HPS5: variants seen among roughly 807,000 people sequenced by gnomAD.
HPS5 encodes the protein BLOC-2 complex member HPS5.
Under a neutral mutation model 128.0 loss-of-function variants are expected in HPS5, and 83 were observed. The ratio of observed to expected loss-of-function variants is 0.65; its 90% CI spans 0.54 to 0.78. The LOEUF (loss-of-function observed/expected upper bound fraction) is 0.78, where lower values mean the gene tolerates loss of function less well. HPS5 is among the 30% of genes least tolerant of loss of function. The pLI is 0.00. For missense variants in HPS5, 1,281 were observed against 1,326.2 expected (o/e 0.97, Z 0.53); for synonymous variants, 475 against 470.2 (o/e 1.01, Z -0.13).
At chr11:18,288,082 T>C in intron 16 of HPS5, 69 bp from the exon 17 acceptor site, 1 of 1,564,488 alleles carries the variant, frequency 6.4e-7, no homozygotes, top group Non-Finnish European at 8.8e-7. Context: ...TATGAACATG[T>C]TCATTCAGCA....
At chr11:18,297,898 G>A (rs940200418) in intron 10 of HPS5, among the ~76,000 whole-genome samples, 181 bp from the exon 11 acceptor site, 1 of 152,108 alleles carries the variant, frequency 6.6e-6, no homozygotes, top group East Asian at 1.9e-4. Context: ...TGGCCAACAT[G>A]GTGAAACCCC....
chr11:18,289,562 C>CA (rs1367565542), intron 16 of HPS5, among the ~76,000 whole-genome samples: 12 of 150,680 alleles, frequency 8.0e-5, no homozygotes, highest in Non-Finnish European at 1.3e-4. Flanking sequence ...ACACAAAAGA[C>CA]AATCTACCTC....
Position 18,296,053 on chromosome 11 carries a change from G to A in HPS5, c.1580C>T (p.Pro527Leu). The A allele has an allele frequency of 6.2e-7, 1 of 1,613,346 alleles. No individual in the cohort carries two copies. Among genetic ancestry groups the A allele is most frequent in the Non-Finnish European group, 8.5e-7 (1 of 1,179,292 alleles). ...AGGAGATGGAGAACGAAATGGTAAT[G>A]GAATGCCGAACGGGAGAAAAGTTTC... ...KNETFLPFGI[P>L]LPFRSPSPLV... The change falls in exon 13 of 23, where the codon CCA becomes CTA. Residue 527 changes from proline to leucine, a missense_variant. Pro to Leu is a moderately conservative substitution (Grantham distance 98). Coordinates refer to ENST00000349215, the MANE Select transcript of HPS5 (RefSeq NM_181507.2).
rs755133988 is a variant in HPS5 at position 18,287,639 on chromosome 11, A to G, written c.2613T>C (p.Phe871=). 5.0e-6 allele frequency: 8 copies of G among 1,614,092 alleles called. No homozygotes were observed. Among genetic ancestry groups the G allele is most frequent in the Middle Eastern group, 1.6e-4 (1 of 6,084 alleles). ...TGATATCCGATGGCAAAATGGATGG[A>G]AAGAACTTGATTAAGGATCGAAGAG... The part of the protein sequence containing the change: ...ESALRSLIKF[F]PSILPSDIIQ... The change falls in exon 18 of 23, where the codon TTT becomes TTC. Residue 871 remains phenylalanine, a synonymous_variant. Transcript: ENST00000349215.
Position 18,291,703 on chromosome 11 carries a change from A to G in HPS5, c.2179T>C (p.Cys727Arg), listed in dbSNP as rs1412721913. The G allele has an allele frequency of 1.9e-5, 31 of 1,614,244 alleles. No individual in the cohort carries two copies. The highest frequency in any genetic ancestry group is 5.3e-5 in the African/African-American group (4 of 75,070). The change falls in exon 16 of 23, where the codon TGC (cysteine) becomes CGC (arginine). Residue 727 changes from cysteine (C) to arginine (R), a missense_variant. Cys to Arg is a radical substitution (Grantham distance 180). Coordinates refer to ENST00000349215, the MANE Select transcript of HPS5 (RefSeq NM_181507.2). ...TTCCGAAGACCACTTGCAATGGCGC[A>G]TGGAGAACATATTTGAAACAGGTCA... ...LDDLFQICSP[C>R]AIASGLRNDL... is the part of the protein sequence containing the mutation.
At chr11:18,296,604 G>T in intron 12 of HPS5, 194 bp downstream of exon 12, 1 of 701,282 alleles carries the variant, frequency 1.4e-6, no homozygotes, top group Non-Finnish European at 2.6e-6. Context: ...CCAAACGTGA[G>T]GGGAAAAAAT....
intron 2 of HPS5, among the ~76,000 whole-genome samples, chr11:18,315,598 G>A (rs2133888258): frequency 6.6e-6 from 1 of 151,444 alleles, no homozygotes; most frequent in East Asian, 1.9e-4. Context: ...AGGCAAGGGA[G>A]TGAAACTCTA....
At chr11:18,303,881 G>A (rs1386252066) in intron 8 of HPS5, among the ~76,000 whole-genome samples, 2 of 150,796 alleles carry the variant, frequency 1.3e-5, no homozygotes, top group Admixed American at 6.6e-5. Flanking sequence ...ACTTGGGTAA[G>A]GGACTTCCCA....
intron 16 of HPS5, among the ~76,000 whole-genome samples, chr11:18,288,643 T>C (rs1219651647): frequency 1.3e-5 from 2 of 151,958 alleles, no homozygotes; most frequent in Non-Finnish European, 2.9e-5. Context: ...TTTTTCCAAG[T>C]AGTTTTCTTT....
At chr11:18,302,835 G>GGGGGGGGGGGGGT (rs1861884149) in intron 8 of HPS5, among the ~76,000 whole-genome samples, 1 of 74,460 alleles carries the variant, frequency 1.3e-5, no homozygotes, top group Non-Finnish European at 3.0e-5. Flanking sequence ...GGGGGGGGGG[G>GGGGGGGGGGGGGT]GTGTCAGAGG....
rs889154581 is a variant in HPS5, at chr11:18,280,449, A to C, written c.3330-507T>G. The C allele has an allele frequency of 1.8e-5, 11 of 597,384 alleles. No individual in the cohort carries two copies. In the African/African-American group the frequency reaches 2.1e-4, roughly 11 times the overall value. 37.0% of individuals were successfully genotyped at this position (597,384 alleles called of 1,614,324 possible). ...TTGTGCACTGCTGGCAGGAAAGTAA[A>C]ATGGTGCAGTCTCTACAGAACAGTA... is the stretch of plus-strand genomic sequence containing the variant. On this transcript the variant is annotated intron_variant, in intron 22 of 22. Transcript: ENST00000349215.
intron 17 of HPS5, 43 bp downstream of exon 17, chr11:18,287,850 G>C: frequency 1.2e-6 from 2 of 1,612,904 alleles, no homozygotes; most frequent in Non-Finnish European, 1.7e-6. Context: ...ACAAAAAAAT[G>C]CATGTGCTTT....
intron 1 of HPS5, among the ~76,000 whole-genome samples, chr11:18,320,000 G>A (rs1168405793): frequency 6.6e-6 from 1 of 152,088 alleles, no homozygotes; most frequent in East Asian, 1.9e-4. Flanking sequence ...AAGAAACTCT[G>A]AGTAGGTCAT....
At chr11:18,309,151 C>T in intron 5 of HPS5, 72 bp from the exon 6 acceptor site, 3 of 1,423,122 alleles carry the variant, frequency 2.1e-6, no homozygotes, top group Non-Finnish European at 2.9e-6. Flanking sequence ...TCCTCTTTAC[C>T]TTGTAAATGA....
In HPS5 at chr11:18,291,455, A is replaced by T; in HGVS notation, c.2427T>A (p.Ile809=). The change falls in exon 16 of 23, where the codon ATT becomes ATA. Residue 809 remains isoleucine, a synonymous_variant. Coordinates refer to ENST00000349215, the MANE Select transcript of HPS5 (RefSeq NM_181507.2). ...SNSPSVWDTF[I]EGLKEMASSN... ...TCTGAGTATTACCTTTCAATCCTTC[A>T]ATAAAAGTATCCCAAACAGAAGGGC... 6.2e-7 allele frequency: 1 copy of T among 1,601,098 alleles called. No individual in the cohort carries two copies. Among genetic ancestry groups the T allele is most frequent in the South Asian group, 1.1e-5 (1 of 90,722 alleles).
chr11:18,308,933 T>C lies in HPS5; in HGVS notation c.611+13A>G, dbSNP rs1318373746. On this transcript the variant is annotated intron_variant, in intron 6 of 22. Coordinates refer to ENST00000349215, the MANE Select transcript of HPS5 (RefSeq NM_181507.2). ...ATTCTGCATTTCTGATGACTAATGG[T>C]TGGTCAATATACCTCTCAGTGTCAC... 4.3e-6 allele frequency: 7 copies of C among 1,613,766 alleles called. No homozygotes were observed. The South Asian group carries it at 6.6e-5, about 15-fold the overall frequency.
At chr11:18,306,642 G>T (rs574933896) in intron 6 of HPS5, among the ~76,000 whole-genome samples, 79 of 152,296 alleles carry the variant, frequency 5.2e-4, no homozygotes, top group African/African-American at 1.9e-3. Context: ...AATCTAAAAG[G>T]TGAGTGCTAC....
intron 8 of HPS5, among the ~76,000 whole-genome samples, chr11:18,303,467 G>C (rs553089303): frequency 6.6e-6 from 1 of 151,798 alleles, no homozygotes; most frequent in South Asian, 2.1e-4. Flanking sequence ...GGAATAGGCA[G>C]AGCCAGATCA....
intron 9 of HPS5, among the ~76,000 whole-genome samples, chr11:18,299,698 A>T (rs1018235392): frequency 1.3e-5 from 2 of 152,208 alleles, no homozygotes; most frequent in African/African-American, 4.8e-5. Flanking sequence ...TGAACCCCAA[A>T]CTATAAAGAT....
Sources: gnomAD v4.1 joint callset for allele counts (sites outside exome capture counted in the v4.1 genomes callset) on GRCh38, gnomAD v4.1.1 for gene constraint, MANE v1.5 for transcripts, NCBI Gene and HGNC (gene_info 2026-07-23, HGNC 2026-07-21) for gene names.